Variants in MAML2 observed in about 807,000 individuals in gnomAD.
The protein encoded by MAML2 is mastermind-like protein 2.
In MAML2, 22 loss-of-function variants were observed where a neutral mutation model predicts 96.1. The observed-to-expected ratio is 0.23, with a 90% CI of 0.16 to 0.33. The LOEUF (loss-of-function observed/expected upper bound fraction) is 0.33. MAML2 is among the 10% of genes least tolerant of loss of function. MAML2 has a pLI of 1.00. For synonymous variants in MAML2, 561 were observed against 521.3 expected (o/e 1.08, Z -1.04); for missense variants, 1,367 against 1,392.4 (o/e 0.98, Z 0.29).
rs1565290043 is a variant in MAML2 at position 96,343,182 on chromosome 11, G to C, written c.-1287C>G. 3.4e-6 allele frequency: 1 copy of C among 293,332 alleles called. No homozygotes were observed. The highest frequency in any genetic ancestry group is 2.3e-5 in the African/African-American group (1 of 42,862). The allele number at this position is 293,332 out of a possible 1,614,324, so 18.2% of individuals were successfully genotyped here. On this transcript the variant is annotated 5_prime_UTR_variant, in exon 1 of 5. Coordinates refer to ENST00000524717, the MANE Select transcript of MAML2 (RefSeq NM_032427.4). ...ATTGTGCTCCGATAGGAGAGGGAGA[G>C]AAAGAGAGAGAGTGAGACAGAGAAG...
At chr11:96,204,829 G>A (rs1383605355) in intron 1 of MAML2, among the ~76,000 whole-genome samples, 1 of 152,194 alleles carries the variant, frequency 6.6e-6, no homozygotes, top group Non-Finnish European at 1.5e-5. Context: ...TGTTTTCGAT[G>A]TAATTTTAGG....
chr11:96,058,131 C>T (rs1859098193), intron 2 of MAML2, among the ~76,000 whole-genome samples: 1 of 152,138 alleles, frequency 6.6e-6, no homozygotes, highest in South Asian at 2.1e-4. Context: ...ACCAAAATTC[C>T]ATACTATTTT....
At chr11:96,065,639 C>T (rs1206864822) in intron 2 of MAML2, among the ~76,000 whole-genome samples, 2 of 152,218 alleles carry the variant, frequency 1.3e-5, no homozygotes, top group Non-Finnish European at 2.9e-5. Flanking sequence ...CCAGGAACTA[C>T]AGTAACTGCT....
chr11:95,979,868 T>G lies in MAML2; in HGVS notation c.2551A>C (p.Thr851Pro). The G allele has an allele frequency of 6.2e-7, 1 of 1,613,904 alleles. No homozygotes were observed. The highest frequency in any genetic ancestry group is 8.5e-7 in the Non-Finnish European group (1 of 1,179,852). ...GATGGCATTCTTGTCCCGTGAGAAG[T>G]AGACAGGAGGCTGGAATTGGGAGTT... ...ILTPNSSLLS[T>P]SHGTRMPSLS... Residue 851 changes from threonine (T) to proline (P), a missense_variant, in exon 5 of 5, where the codon ACT becomes CCT. Coordinates refer to ENST00000524717, the MANE Select transcript of MAML2 (RefSeq NM_032427.4).
At chr11:96,161,358 C>T (rs763560927) in intron 1 of MAML2, among the ~76,000 whole-genome samples, 2 of 152,212 alleles carry the variant, frequency 1.3e-5, no homozygotes, top group Non-Finnish European at 2.9e-5. Flanking sequence ...TCTATTACCT[C>T]ATCTCATAAA....
In MAML2 at chr11:95,978,321, A is replaced by G. The variant is rs1169069282; in HGVS notation, c.*627T>C. ...ATCACTAGACACAGCATCCCACTGA[A>G]GTAGAGGATTGTGGGAAAATTGTAA... is the stretch of plus-strand genomic sequence containing the variant. On this transcript the variant is annotated 3_prime_UTR_variant, in exon 5 of 5. Transcript: ENST00000524717. 5.0e-6 allele frequency: 1 copy of G among 198,872 alleles called. No individual in the cohort carries two copies. The highest frequency in any genetic ancestry group is 1.0e-5 in the Non-Finnish European group (1 of 96,282). 12.3% of individuals were successfully genotyped at this position (198,872 alleles called of 1,614,324 possible).
intron 2 of MAML2, among the ~76,000 whole-genome samples, chr11:96,078,654 T>A (rs1859484440): frequency 6.6e-6 from 1 of 152,190 alleles, no homozygotes; most frequent in South Asian, 2.1e-4. Flanking sequence ...GTCTTCTTGT[T>A]CTAGTCTATG....
intron 1 of MAML2, among the ~76,000 whole-genome samples, chr11:96,285,884 A>G (rs189326480): frequency 3.9e-5 from 6 of 152,338 alleles, no homozygotes; most frequent in African/African-American, 9.6e-5. Context: ...TGAGAATGTA[A>G]ATTAGTTCAA....
chr11:96,193,901 CT>C (rs2135924018), intron 1 of MAML2, among the ~76,000 whole-genome samples: 3 of 152,276 alleles, frequency 2.0e-5, no homozygotes, highest in African/African-American at 7.2e-5. Flanking sequence ...TTTCTCTTTT[CT>C]TTGTTCCTTT....
intron 2 of MAML2, among the ~76,000 whole-genome samples, chr11:96,045,511 G>C (rs1215824869): frequency 6.6e-6 from 1 of 152,244 alleles, no homozygotes; most frequent in Non-Finnish European, 1.5e-5. Flanking sequence ...CAAAGATTAA[G>C]TCCTTTACCC....
chr11:96,147,238 A>C (rs1023149334), intron 1 of MAML2, among the ~76,000 whole-genome samples: 2 of 152,196 alleles, frequency 1.3e-5, no homozygotes, highest in Non-Finnish European at 2.9e-5. Flanking sequence ...TGTGGACTAT[A>C]ATCTCCCAGC....
intron 1 of MAML2, among the ~76,000 whole-genome samples, chr11:96,232,693 G>A (rs952645276): frequency 4.6e-5 from 7 of 152,104 alleles, no homozygotes; most frequent in African/African-American, 1.4e-4. Flanking sequence ...GGACGGTCTC[G>A]ATCTCCTGAC....
intron 1 of MAML2, among the ~76,000 whole-genome samples, chr11:96,208,111 T>C (rs1157207654): frequency 6.6e-6 from 1 of 152,232 alleles, no homozygotes; most frequent in African/African-American, 2.4e-5. Context: ...CTGTAAGTCA[T>C]AAAAAGTATT....
intron 1 of MAML2, among the ~76,000 whole-genome samples, chr11:96,246,638 G>T (rs188479380): frequency 9.2e-5 from 14 of 152,268 alleles, no homozygotes; most frequent in Admixed American, 3.3e-4. Flanking sequence ...CATTGTTTCA[G>T]TCAAAGTATG....
intron 3 of MAML2, among the ~76,000 whole-genome samples, chr11:95,986,038 A>G (rs1857823079): frequency 6.6e-6 from 1 of 152,222 alleles, no homozygotes; most frequent in Non-Finnish European, 1.5e-5. Context: ...CTCTCTTGTT[A>G]AATGAGTGAT....
At chr11:96,217,481 A>G (rs1862067849) in intron 1 of MAML2, among the ~76,000 whole-genome samples, 1 of 152,200 alleles carries the variant, frequency 6.6e-6, no homozygotes, top group Non-Finnish European at 1.5e-5. Context: ...TTCAATCCAG[A>G]GAACACTGTC....
At chr11:95,994,705 C>G (rs764585057) in intron 2 of MAML2, among the ~76,000 whole-genome samples, 1 of 152,164 alleles carries the variant, frequency 6.6e-6, no homozygotes, top group Non-Finnish European at 1.5e-5. Context: ...TAGAAAGAGT[C>G]TGCTCTTTTC....
chr11:95,987,992 T>C (rs1857854436), intron 3 of MAML2, among the ~76,000 whole-genome samples: 1 of 94,090 alleles, frequency 1.1e-5, no homozygotes. Context: ...TAAACTGTTG[T>C]GTGAGATGAC....
chr11:96,218,773 T>G (rs1862087208), intron 1 of MAML2, among the ~76,000 whole-genome samples: 1 of 152,226 alleles, frequency 6.6e-6, no homozygotes, highest in Admixed American at 6.5e-5. Context: ...CCAGTCAAAT[T>G]TGAATTTCAG....
Sources: allele counts gnomAD v4.1 joint callset (sites outside exome capture counted in the v4.1 genomes callset), GRCh38; gene constraint gnomAD v4.1.1; transcripts MANE v1.5; gene names NCBI Gene and HGNC (gene_info 2026-07-23, HGNC 2026-07-21).